SLC25A40: variants seen among roughly 807,000 people sequenced by gnomAD.
The protein encoded by SLC25A40 is solute carrier family 25 member 40, also known as mitochondrial glutathione transporter SLC25A40.
SLC25A40 carries 41 observed loss-of-function variants against 46.5 expected under a neutral mutation model. The observed-to-expected ratio is 0.88, with a 90% CI of 0.69 to 1.14. SLC25A40 has a LOEUF of 1.14. Ranked by LOEUF, SLC25A40 falls within the 50% of genes most tolerant of loss-of-function variation. The pLI is 0.00. For missense variants in SLC25A40, 386 were observed against 393.6 expected, an observed-to-expected ratio of 0.98 and a Z score of 0.16; for synonymous variants, 126 against 127.5, an observed-to-expected ratio of 0.99 and a Z score of 0.08.
intron 1 of SLC25A40, among the ~76,000 whole-genome samples, chr7:87,863,624 T>A (rs916129938): frequency 4.0e-5 from 6 of 151,538 alleles, no homozygotes; most frequent in African/African-American, 1.2e-4. Context: ...TGGGGGTACA[T>A]GTGATAATCT....
At chr7:87,866,771 T>TA (rs966935641) in intron 1 of SLC25A40, among the ~76,000 whole-genome samples, 9 of 152,242 alleles carry the variant, frequency 5.9e-5, no homozygotes, top group Admixed American at 2.0e-4. Flanking sequence ...TTAAAGATCT[T>TA]AAGTAGTTTA....
At chr7:87,856,573 A>G (rs1007786095) in intron 3 of SLC25A40, among the ~76,000 whole-genome samples, 18 of 152,144 alleles carry the variant, frequency 1.2e-4, no homozygotes, top group Admixed American at 1.1e-3. Flanking sequence ...CATGAGTACT[A>G]AACTGTTATT....
intron 4 of SLC25A40, among the ~76,000 whole-genome samples, chr7:87,855,244 C>A (rs565731653): frequency 1.3e-4 from 19 of 151,396 alleles, no homozygotes; most frequent in South Asian, 1.0e-3. Flanking sequence ...AAGACGAAAA[C>A]CCATTTAGAG....
intron 11 of SLC25A40, 126 bp from the exon 12 acceptor site, chr7:87,836,487 T>C (rs987291585): frequency 6.2e-5 from 40 of 649,432 alleles, no homozygotes; most frequent in African/African-American, 4.6e-4. Context: ...AATCCATAAA[T>C]TGGTAGAAAA....
intron 10 of SLC25A40, among the ~76,000 whole-genome samples, chr7:87,837,816 G>A (rs1838278051): frequency 6.6e-6 from 1 of 151,114 alleles, no homozygotes; most frequent in South Asian, 2.1e-4. Flanking sequence ...GCTGAATGAA[G>A]GGCAAACAAT....
At chr7:87,856,398 T>G in intron 3 of SLC25A40, 47 bp from the exon 4 acceptor site, 1 of 1,377,488 alleles carries the variant, frequency 7.3e-7, no homozygotes, top group East Asian at 2.3e-5. Flanking sequence ...ATCTGTAAAT[T>G]GGATAGATGT....
intron 4 of SLC25A40, 39 bp downstream of exon 4, chr7:87,856,253 A>G (rs200470469): frequency 1.2e-4 from 176 of 1,492,332 alleles, no homozygotes; most frequent in Non-Finnish European, 1.5e-4. Context: ...AACATTTAAA[A>G]ATCAAACATA....
intron 5 of SLC25A40, among the ~76,000 whole-genome samples, chr7:87,852,952 T>A (rs1245550375): frequency 6.6e-6 from 1 of 152,146 alleles, no homozygotes; most frequent in African/African-American, 2.4e-5. Context: ...TTAGCCTTGA[T>A]ACCAAAAGCA....
chr7:87,843,927 G>T (rs1001003211), intron 8 of SLC25A40, 64 bp from the exon 9 acceptor site: 1 of 1,435,258 alleles, frequency 7.0e-7, no homozygotes, highest in Non-Finnish European at 9.4e-7. Context: ...TAATAAAAGA[G>T]TTATGAGGTT....
At chr7:87,844,679 T>C (rs974405954) in intron 8 of SLC25A40, among the ~76,000 whole-genome samples, 1 of 152,040 alleles carries the variant, frequency 6.6e-6, no homozygotes, top group African/African-American at 2.4e-5. Flanking sequence ...TATAACAGAA[T>C]GTTAAAACAT....
chr7:87,854,710 G>A (rs1317982889), intron 4 of SLC25A40, among the ~76,000 whole-genome samples: 1 of 151,448 alleles, frequency 6.6e-6, no homozygotes, highest in Non-Finnish European at 1.5e-5. Context: ...TACTCGGGAG[G>A]CTGAGGCAGG....
rs1377826642 is a variant in SLC25A40, at chr7:87,856,509, T to C, written c.98-158A>G. ...AGTAGTCTTGAATGTAACATTCTAA[T>C]TTTTTTGCCCTTAAATTTTGTTAAT... On this transcript the variant is annotated intron_variant, in intron 3 of 11. Transcript: ENST00000341119. The C allele has an allele frequency of 4.3e-6, 3 of 700,960 alleles. No individual in the cohort carries two copies. The East Asian group carries it at 8.2e-5, about 19-fold the overall frequency. 43.4% of individuals were successfully genotyped at this position (700,960 alleles called of 1,614,324 possible). A position where few individuals can be genotyped will look rare whatever the true frequency, so the allele number is the denominator to read the frequency against.
At chr7:87,848,996 A>G (rs1838465365) in intron 6 of SLC25A40, among the ~76,000 whole-genome samples, 1 of 152,230 alleles carries the variant, frequency 6.6e-6, no homozygotes, top group Admixed American at 6.5e-5. Flanking sequence ...TGAGACAGCA[A>G]AAGCCAAGTT....
rs943267183 is a variant in SLC25A40, at chr7:87,836,584, C to T, written c.904+146G>A. The T allele has an allele frequency of 7.4e-6, 4 of 542,462 alleles. No individual in the cohort carries two copies. The South Asian group carries it at 1.7e-4, about 23-fold the overall frequency. 33.6% of individuals were successfully genotyped at this position (542,462 alleles called of 1,614,324 possible). A position where few individuals can be genotyped will look rare whatever the true frequency, so the allele number is the denominator to read the frequency against. On this transcript the variant is annotated intron_variant, in intron 11 of 11. Transcript: ENST00000341119. ...TATTGATAGTAAATCTTTTATTTAA[C>T]ATTTATTTTAACTTATAATAAAGAT...
At position 87,835,931 on chromosome 7, in the gene SLC25A40, C is replaced by T. The variant is rs1437168556; in HGVS notation, c.*318G>A. The T allele has an allele frequency of 9.5e-6, 2 of 210,252 alleles. No individual in the cohort carries two copies. The highest frequency in any genetic ancestry group is 1.5e-4 in the East Asian group (1 of 6,590). The allele number at this position is 210,252 out of a possible 1,614,324, so 13.0% of individuals were successfully genotyped here. A position where few individuals can be genotyped will look rare whatever the true frequency, so the allele number is the denominator to read the frequency against. ...TCAAAAAGTTCTGGTGTATTCAACA[C>T]ACTCCCAGTAAGATTATGTTACACT... On this transcript the variant is annotated 3_prime_UTR_variant, in exon 12 of 12. Transcript: ENST00000341119.
Position 87,849,879 on chromosome 7 carries a change from A to G in SLC25A40, c.332+2T>C, listed in dbSNP as rs1838481887. 6.4e-7 allele frequency: 1 copy of G among 1,574,198 alleles called. No individual in the cohort carries two copies. The highest frequency in any genetic ancestry group is 2.3e-5 in the East Asian group (1 of 44,032). The stretch of plus-strand genomic sequence containing the variant: ...TAGAAAAAACATTAAATTTCAACTT[A>G]CAGGGTAGGAGGAAGGCCACTCCAT... On this transcript the variant is annotated splice_donor_variant, in intron 6 of 11. Transcript: ENST00000341119. LOFTEE classifies it high-confidence loss of function.
Position 87,854,209 on chromosome 7 carries a change from T to C in SLC25A40, c.259A>G (p.Thr87Ala). Residue 87 changes from threonine (T) to alanine (A), a missense_variant, in exon 5 of 12, where the codon ACA becomes GCA. Physicochemically the swap from Thr to Ala is moderately conservative, Grantham distance 58. Transcript: ENST00000341119. ...WYKKPGNFQG[T>A]LDAFFKIIRN... ...AAGGAATATAATCACCTTACCAATG[T>C]TCCCTGGAAATTTCCTGGCTTCTTA... 6.3e-7 allele frequency: 1 copy of C among 1,599,496 alleles called. No homozygotes were observed.
intron 1 of SLC25A40, among the ~76,000 whole-genome samples, chr7:87,870,722 G>A (rs1838883937): frequency 6.6e-6 from 1 of 152,106 alleles, no homozygotes; most frequent in East Asian, 1.9e-4. Context: ...TTTGGAGATG[G>A]GTCTGGCTGG....
intron 8 of SLC25A40, among the ~76,000 whole-genome samples, chr7:87,845,846 A>C (rs1186708474): frequency 6.6e-6 from 1 of 152,178 alleles, no homozygotes; most frequent in Admixed American, 6.5e-5. Context: ...GACAATAAAA[A>C]AGTTGGAAAG....
Sources: allele counts gnomAD v4.1 joint callset (sites outside exome capture counted in the v4.1 genomes callset), GRCh38; gene constraint gnomAD v4.1.1; transcripts MANE v1.5; gene names NCBI Gene and HGNC (gene_info 2026-07-23, HGNC 2026-07-21).